NTN1: variants seen among roughly 807,000 people sequenced by gnomAD.
NTN1 encodes netrin 1.
In NTN1, 11 loss-of-function variants were observed where a neutral mutation model predicts 54.2. That is an observed-to-expected ratio of 0.20 (90% CI 0.13 to 0.34). The LOEUF is 0.34. NTN1 is among the 10% of genes least tolerant of loss of function. NTN1 has a pLI of 1.00. For missense variants in NTN1, 740 were observed against 893.1 expected, an observed-to-expected ratio of 0.83 and a Z score of 2.18; for synonymous variants, 371 against 382.0, an observed-to-expected ratio of 0.97 and a Z score of 0.33.
intron 2 of NTN1, among the ~76,000 whole-genome samples, chr17:9,137,397 T>G (rs554125115): frequency 1.3e-5 from 2 of 152,222 alleles, no homozygotes; most frequent in African/African-American, 2.4e-5. Context: ...AGAACTGGCA[T>G]GGGGTGGACA....
chr17:9,077,374 A>C (rs1321994561), intron 2 of NTN1, among the ~76,000 whole-genome samples: 1 of 152,170 alleles, frequency 6.6e-6, no homozygotes, highest in East Asian at 1.9e-4. Flanking sequence ...ATCCAGAGGC[A>C]ACAGGATATT....
At chr17:9,120,157 C>T (rs11654891) in intron 2 of NTN1, among the ~76,000 whole-genome samples, 40,346 of 151,600 alleles carry the variant, frequency 0.27, 5,949 homozygotes, top group African/African-American at 0.39. Context: ...TGGTGGCGGG[C>T]GCCTGTAGTC....
rs1427846302 is a variant in NTN1, at chr17:9,022,881, A to G, written c.508A>G (p.Thr170Ala). Residue 170 changes from threonine (T) to alanine (A), a missense_variant, in exon 2 of 7, where the codon ACG (threonine) becomes GCG (alanine). Transcript: ENST00000173229. The stretch of plus-strand genomic sequence containing the variant: ...CTACAAGTCCATGGACTACGGGCGC[A>G]CGTGGGTGCCCTTCCAGTTCTACTC... ...AIYKSMDYGRTWVPFQFYSTQ... is the reference protein window; with the variant it reads ...AIYKSMDYGRAWVPFQFYSTQ... 6.2e-7 allele frequency: 1 copy of G among 1,612,052 alleles called. No individual in the cohort carries two copies. The highest frequency in any genetic ancestry group is 8.5e-7 in the Non-Finnish European group (1 of 1,179,890).
intron 5 of NTN1, among the ~76,000 whole-genome samples, chr17:9,202,589 A>G (rs1384719330): frequency 1.3e-5 from 2 of 151,116 alleles, no homozygotes; most frequent in African/African-American, 4.9e-5. Flanking sequence ...ATGGTGTGAC[A>G]TTGTTGTGGG....
intron 2 of NTN1, 38 bp from the exon 3 acceptor site, chr17:9,162,775 C>T (rs1296593672): frequency 1.3e-6 from 2 of 1,575,200 alleles, no homozygotes; most frequent in Non-Finnish European, 1.7e-6. Context: ...CCTCCCCGCG[C>T]CCCTGCGGCT....
At chr17:9,188,947 G>C (rs1904375426) in intron 5 of NTN1, among the ~76,000 whole-genome samples, 3 of 152,210 alleles carry the variant, frequency 2.0e-5, no homozygotes, top group South Asian at 4.1e-4. Flanking sequence ...TATGAAGCGG[G>C]ATGTTAGGCT....
In NTN1 at chr17:9,241,868, C is replaced by A. The variant is rs959351065; in HGVS notation, c.*1900C>A. ...AGCCCGACTTTCTGACCAGGGGCCACGCTGGCCCTCACTGCACTCCAGCTC... is the reference window on the plus strand; with the variant it reads ...AGCCCGACTTTCTGACCAGGGGCCAAGCTGGCCCTCACTGCACTCCAGCTC... On this transcript the variant is annotated 3_prime_UTR_variant, in exon 7 of 7. Transcript: ENST00000173229. The A allele has an allele frequency of 6.6e-6, 1 of 152,284 alleles. No homozygotes were observed. The highest frequency in any genetic ancestry group is 6.5e-5 in the Admixed American group (1 of 15,288). 9.4% of individuals were successfully genotyped at this position (152,284 alleles called of 1,614,324 possible).
intron 5 of NTN1, chr17:9,183,358 G>C: frequency 2.0e-6 from 1 of 509,738 alleles, no homozygotes. Flanking sequence ...TGGGCACAGG[G>C]TCGCACAAGC....
At chr17:9,060,567 A>G (rs2091993924) in intron 2 of NTN1, among the ~76,000 whole-genome samples, 1 of 152,214 alleles carries the variant, frequency 6.6e-6, no homozygotes, top group South Asian at 2.1e-4. Context: ...GAGGACGGCC[A>G]TGGTAACTGT....
At chr17:9,168,727 G>A (rs760122769) in intron 3 of NTN1, among the ~76,000 whole-genome samples, 32 of 152,156 alleles carry the variant, frequency 2.1e-4, no homozygotes, top group Non-Finnish European at 3.8e-4. Context: ...ACCCTTCTTG[G>A]TCTTCCTGAC....
rs1906196636 is a variant in NTN1, at chr17:9,241,021, T to G, written c.*1053T>G. 2 of 152,206 alleles carry G rather than the reference T, an allele frequency of 1.3e-5. No individual in the cohort carries two copies. The highest frequency in any genetic ancestry group is 4.8e-5 in the African/African-American group (2 of 41,432). 9.4% of individuals were successfully genotyped at this position (152,206 alleles called of 1,614,324 possible). A position where few individuals can be genotyped will look rare whatever the true frequency, so the allele number is the denominator to read the frequency against. On this transcript the variant is annotated 3_prime_UTR_variant, in exon 7 of 7. Transcript: ENST00000173229. ...GCTCCCGCAAGGCCCCTCAGCAATG[T>G]CAACAGCTGGAAAGGGCCTGAACGG...
chr17:9,120,501 G>A (rs957892460), intron 2 of NTN1, among the ~76,000 whole-genome samples: 1 of 152,180 alleles, frequency 6.6e-6, no homozygotes, highest in South Asian at 2.1e-4. Flanking sequence ...CTTGGGGAGA[G>A]ACTGCGATGG....
intron 2 of NTN1, among the ~76,000 whole-genome samples, chr17:9,070,966 G>A (rs373882440): frequency 5.9e-5 from 9 of 151,990 alleles, no homozygotes; most frequent in South Asian, 2.1e-4. Context: ...CCCATAGTTC[G>A]GTCTTCCCAA....
rs35794595 is a variant in NTN1, at chr17:9,201,287, G to T, written c.1411+18318G>T. Among the ~76,000 whole-genome samples, 487 of 152,284 alleles carry T rather than the reference G, an allele frequency of 3.2e-3. 1 individual carries two copies. The highest frequency in any genetic ancestry group is 0.013 in the South Asian group (61 of 4,826). ...CTCATTTTAGCAGGCAGAAATCTCT[G>T]TGCTCTCCTCCTGGGCTTACAGAGC... On this transcript the variant is annotated intron_variant, in intron 5 of 6. Transcript: ENST00000173229.
At chr17:9,012,526 AAAAACAAAAC>A in the NTN1 span, among the ~76,000 whole-genome samples, 20 of 67,872 alleles carry the variant, frequency 2.9e-4, no homozygotes, top group African/African-American at 1.3e-3. Flanking sequence ...AAAACAAAAC[AAAAACAAAAC>A]AAAAAAAAAA....
intron 2 of NTN1, among the ~76,000 whole-genome samples, chr17:9,055,002 C>T (rs934134460): frequency 6.6e-6 from 1 of 152,228 alleles, no homozygotes; most frequent in East Asian, 1.9e-4. Flanking sequence ...ATAGGGTACA[C>T]ATGCCCTCTT....
At chr17:9,161,029 C>G (rs561757119) in intron 2 of NTN1, among the ~76,000 whole-genome samples, 159 of 152,350 alleles carry the variant, frequency 1.0e-3, no homozygotes, top group Middle Eastern at 3.4e-3. Flanking sequence ...TTAGAACACA[C>G]TGAGCGTGAA....
At chr17:9,148,725 G>A (rs138917659) in intron 2 of NTN1, among the ~76,000 whole-genome samples, 46 of 152,078 alleles carry the variant, frequency 3.0e-4, no homozygotes, top group East Asian at 1.9e-3. Context: ...GGGGTCCAGC[G>A]TGCAGATTGG....
chr17:9,067,885 C>G (rs923944516), intron 2 of NTN1, among the ~76,000 whole-genome samples: 1 of 152,214 alleles, frequency 6.6e-6, no homozygotes, highest in Non-Finnish European at 1.5e-5. Context: ...CTGGTGCAAA[C>G]TCACACATTA....
Sources: allele counts gnomAD v4.1 joint callset (sites outside exome capture counted in the v4.1 genomes callset), GRCh38; gene constraint gnomAD v4.1.1; transcripts MANE v1.5; gene names NCBI Gene and HGNC (gene_info 2026-07-23, HGNC 2026-07-21).